The following CNTN4 variants were observed in gnomAD, a reference collection of about 807,000 sequenced individuals.
CNTN4 encodes contactin-4.
Under a neutral mutation model 122.5 loss-of-function variants are expected in CNTN4, and 77 were observed. The ratio of observed to expected loss-of-function variants is 0.63; its 90% CI spans 0.52 to 0.76. The LOEUF is 0.76. CNTN4 is among the 30% of genes least tolerant of loss of function. The pLI, the probability that CNTN4 is intolerant of heterozygous loss-of-function variation, is 0.00. For synonymous variants in CNTN4, 512 were observed against 447.0 expected (o/e 1.15, Z -1.83); for missense variants, 1,256 against 1,259.1 (o/e 1.00, Z 0.04).
At chr3:2,269,112 G>A (rs1485814676) in intron 2 of CNTN4, among the ~76,000 whole-genome samples, 1 of 152,092 alleles carries the variant, frequency 6.6e-6, no homozygotes, top group Non-Finnish European at 1.5e-5. Context: ...AATTTCAAAT[G>A]TGGTTGTGTC....
intron 3 of CNTN4, among the ~76,000 whole-genome samples, chr3:2,440,804 C>A (rs929237495): frequency 1.4e-5 from 2 of 146,384 alleles, no homozygotes; most frequent in African/African-American, 2.5e-5. Context: ...ACATATATAA[C>A]AAATATATTC....
intron 7 of CNTN4, among the ~76,000 whole-genome samples, chr3:2,863,653 C>T (rs992891779): frequency 1.8e-4 from 27 of 151,976 alleles, no homozygotes; most frequent in African/African-American, 5.3e-4. Flanking sequence ...ATTGGTACAG[C>T]GTTTCCCAAA....
intron 10 of CNTN4, among the ~76,000 whole-genome samples, chr3:2,896,206 A>G (rs568376590): frequency 3.9e-5 from 6 of 152,212 alleles, no homozygotes; most frequent in African/African-American, 1.4e-4. Flanking sequence ...AAGTATGTGT[A>G]TGTTTCTCAA....
At chr3:2,355,525 C>G (rs1031971794) in intron 3 of CNTN4, among the ~76,000 whole-genome samples, 2 of 152,148 alleles carry the variant, frequency 1.3e-5, no homozygotes, top group Non-Finnish European at 2.9e-5. Flanking sequence ...CAAAGGTTAC[C>G]TTTCTGTATT....
rs1459486580 is a variant in CNTN4, at chr3:2,520,064, A to G, written c.-88-51352A>G. Among the ~76,000 whole-genome samples the G allele has an allele frequency of 2.0e-5, 3 of 152,244 alleles. No individual in the cohort carries two copies. In the East Asian group the frequency reaches 5.8e-4, roughly 29 times the overall value. Reference sequence around the variant, plus strand: ...AGGATCAGATTTAAGAAATCATATTACAGGTATGAGTCTGAAGTTAATGAC... The same window carrying G: ...AGGATCAGATTTAAGAAATCATATTGCAGGTATGAGTCTGAAGTTAATGAC... On this transcript the variant is annotated intron_variant, in intron 3 of 24. Transcript: ENST00000418658.
At chr3:2,687,483 A>T (rs2085497476) in intron 4 of CNTN4, among the ~76,000 whole-genome samples, 1 of 152,040 alleles carries the variant, frequency 6.6e-6, no homozygotes, top group Non-Finnish European at 1.5e-5. Flanking sequence ...CAACATGGTA[A>T]GACTCTATGT....
chr3:3,025,449 A>T (rs1698646705), intron 14 of CNTN4, among the ~76,000 whole-genome samples: 1 of 152,154 alleles, frequency 6.6e-6, no homozygotes, highest in Non-Finnish European at 1.5e-5. Context: ...AAAGGAATAA[A>T]CATGCCTATA....
At chr3:2,472,952 G>A (rs778506662) in intron 3 of CNTN4, among the ~76,000 whole-genome samples, 7 of 152,076 alleles carry the variant, frequency 4.6e-5, no homozygotes, top group South Asian at 2.1e-4. Flanking sequence ...TAGCATAGTC[G>A]GCAGGGCGTG....
intron 4 of CNTN4, among the ~76,000 whole-genome samples, chr3:2,640,641 ATG>A (rs35062918): frequency 6.6e-6 from 1 of 151,548 alleles, no homozygotes; most frequent in East Asian, 1.9e-4. Flanking sequence ...GTGTGTGTAT[ATG>A]TGTGTGTGTA....
At chr3:2,634,013 T>G (rs914976842) in intron 4 of CNTN4, among the ~76,000 whole-genome samples, 1 of 152,182 alleles carries the variant, frequency 6.6e-6, no homozygotes, top group Non-Finnish European at 1.5e-5. Flanking sequence ...CAAGAACAGA[T>G]AAACATAGTG....
chr3:2,612,022 C>T (rs1278514181), intron 4 of CNTN4, among the ~76,000 whole-genome samples: 6 of 141,870 alleles, frequency 4.2e-5, no homozygotes. Context: ...CAGGTGGTAA[C>T]ATTTTAATGG....
At chr3:2,804,044 G>GAT (rs59467735) in intron 6 of CNTN4, among the ~76,000 whole-genome samples, 18 of 145,938 alleles carry the variant, frequency 1.2e-4, no homozygotes, top group East Asian at 2.0e-4. Context: ...ATTATTTAGG[G>GAT]ATATATATAT....
At chr3:3,000,686 T>C (rs1326012103) in intron 14 of CNTN4, among the ~76,000 whole-genome samples, 1 of 152,220 alleles carries the variant, frequency 6.6e-6, no homozygotes, top group Non-Finnish European at 1.5e-5. Flanking sequence ...CATCTTAGCG[T>C]TCTCAGGGTC....
chr3:2,442,639 A>G (rs945483099), intron 3 of CNTN4, among the ~76,000 whole-genome samples: 4 of 152,084 alleles, frequency 2.6e-5, no homozygotes, highest in Admixed American at 2.6e-4. Context: ...AAAAAAGGAA[A>G]CACTGTGATT....
chr3:2,316,461 T>C (rs1291936065), intron 2 of CNTN4, among the ~76,000 whole-genome samples: 2 of 152,174 alleles, frequency 1.3e-5, no homozygotes, highest in Non-Finnish European at 2.9e-5. Context: ...AATTAGTTAA[T>C]TTATTGAACT....
intron 3 of CNTN4, among the ~76,000 whole-genome samples, chr3:2,551,611 A>C (rs551084417): frequency 6.6e-6 from 1 of 152,310 alleles, no homozygotes; most frequent in East Asian, 1.9e-4. Flanking sequence ...GATTTTTGAA[A>C]ATAATAATAG....
At chr3:2,938,353 A>C (rs2094584134) in intron 13 of CNTN4, among the ~76,000 whole-genome samples, 1 of 151,814 alleles carries the variant, frequency 6.6e-6, no homozygotes, top group Non-Finnish European at 1.5e-5. Context: ...TTTAGTCTTT[A>C]CTATGCCCTC....
intron 6 of CNTN4, among the ~76,000 whole-genome samples, chr3:2,781,128 A>G (rs1296093398): frequency 1.3e-5 from 2 of 152,174 alleles, no homozygotes; most frequent in Non-Finnish European, 2.9e-5. Flanking sequence ...ATGCCCTAAG[A>G]CCAGTTGAAA....
At chr3:2,957,475 T>C (rs2124946403) in intron 13 of CNTN4, among the ~76,000 whole-genome samples, 1 of 152,286 alleles carries the variant, frequency 6.6e-6, no homozygotes, top group African/African-American at 2.4e-5. Flanking sequence ...AGAGAGTACA[T>C]GTTCAGGTTT....
Sources: gnomAD v4.1 joint callset for allele counts (sites outside exome capture counted in the v4.1 genomes callset) on GRCh38, gnomAD v4.1.1 for gene constraint, MANE v1.5 for transcripts, NCBI Gene and HGNC (gene_info 2026-07-23, HGNC 2026-07-21) for gene names.